Variants in ANKRD44 observed in about 807,000 individuals in gnomAD.
The protein encoded by ANKRD44 is ankyrin repeat domain 44.
A neutral mutation model predicts 116.0 loss-of-function variants in ANKRD44; 35 were observed. The ratio of observed to expected loss-of-function variants is 0.30; its 90% CI spans 0.23 to 0.40. The LOEUF is 0.40. ANKRD44 is among the 10% of genes least tolerant of loss of function. The probability of loss-of-function intolerance (pLI) is 1.00; values close to 1 mark genes in which losing one functional copy is unlikely to be tolerated. For missense variants in ANKRD44, 1,014 were observed against 1,242.6 expected, an observed-to-expected ratio of 0.82 and a Z score of 2.77; for synonymous variants, 435 against 461.8, an observed-to-expected ratio of 0.94 and a Z score of 0.74.
Position 197,007,868 on chromosome 2 carries a change from G to A in ANKRD44, c.2068C>T (p.Leu690Phe). ...YGHIDAVSLLLEKEANVDTVD... is the reference protein window; with the variant it reads ...YGHIDAVSLLFEKEANVDTVD... ...GTGTCTACGTTGGCTTCCTTTTCAA[G>A]TAACAATGAAACAGCGTCAATATGT... The change falls in exon 20 of 28, where the codon CTT becomes TTT. Residue 690 changes from leucine to phenylalanine, a missense_variant. Physicochemically the swap from Leu to Phe is conservative, Grantham distance 22 (BLOSUM62 0). Coordinates refer to ENST00000282272, the MANE Select transcript of ANKRD44 (RefSeq NM_001195144.2). The A allele has an allele frequency of 1.2e-6, 2 of 1,614,030 alleles. No individual in the cohort carries two copies. Among genetic ancestry groups the A allele is most frequent in the Admixed American group, 1.7e-5 (1 of 60,008 alleles).
At chr2:197,029,800 TG>T in intron 16 of ANKRD44, 1 of 294,386 alleles carries the variant, frequency 3.4e-6, no homozygotes, top group South Asian at 3.1e-5. Context: ...AACAGCCTCC[TG>T]GGTCTTCTTG....
chr2:197,084,106 T>C (rs1372206013), intron 13 of ANKRD44, among the ~76,000 whole-genome samples: 1 of 152,202 alleles, frequency 6.6e-6, no homozygotes, highest in Non-Finnish European at 1.5e-5. Flanking sequence ...AAACCTTTGG[T>C]TCTCTCTACT....
chr2:197,163,702 A>C (rs1241239975), intron 2 of ANKRD44, among the ~76,000 whole-genome samples: 1 of 152,102 alleles, frequency 6.6e-6, no homozygotes, highest in African/African-American at 2.4e-5. Context: ...GCAGTGGCTC[A>C]CTGCAACCTC....
At chr2:197,120,249 CCAAA>C (rs2078821324) in intron 8 of ANKRD44, among the ~76,000 whole-genome samples, 1 of 152,146 alleles carries the variant, frequency 6.6e-6, no homozygotes, top group African/African-American at 2.4e-5. Context: ...TCTTTCAGTA[CCAAA>C]CAGAGGGCAC....
intron 1 of ANKRD44, among the ~76,000 whole-genome samples, chr2:197,242,577 C>A (rs913338016): frequency 6.6e-6 from 1 of 152,142 alleles, no homozygotes; most frequent in Non-Finnish European, 1.5e-5. Flanking sequence ...GGCCACCTCT[C>A]TAGGTTCACC....
intron 1 of ANKRD44, among the ~76,000 whole-genome samples, chr2:197,297,140 T>C (rs2083747285): frequency 6.6e-6 from 1 of 152,222 alleles, no homozygotes; most frequent in Non-Finnish European, 1.5e-5. Context: ...TTGATCCTCC[T>C]AGATCTATCT....
At chr2:197,241,223 G>A (rs1403784428) in intron 1 of ANKRD44, among the ~76,000 whole-genome samples, 1 of 152,180 alleles carries the variant, frequency 6.6e-6, no homozygotes, top group African/African-American at 2.4e-5. Flanking sequence ...AATTAAATTT[G>A]TCAAAGTATG....
chr2:197,255,472 C>T (rs1281748805), intron 1 of ANKRD44, among the ~76,000 whole-genome samples: 1 of 152,240 alleles, frequency 6.6e-6, no homozygotes, highest in African/African-American at 2.4e-5. Flanking sequence ...AATTAACAAC[C>T]GTGCAAGCTC....
chr2:197,122,630 A>G lies in ANKRD44; in HGVS notation c.693+20T>C, dbSNP rs376023058. 60 of 1,610,004 alleles carry G rather than the reference A, an allele frequency of 3.7e-5. No homozygotes were observed. The African/African-American group carries it at 4.5e-4, about 12-fold the overall frequency. ...TTACAAATACACTGGCCATGCATTGATGCATTCATCATAGCTCACCTCCAC... is the reference window on the plus strand; with the variant it reads ...TTACAAATACACTGGCCATGCATTGGTGCATTCATCATAGCTCACCTCCAC... On this transcript the variant is annotated intron_variant, in intron 7 of 27. Transcript: ENST00000282272.
At chr2:197,055,337 G>GTTC (rs1182832803) in intron 16 of ANKRD44, among the ~76,000 whole-genome samples, 1 of 152,048 alleles carries the variant, frequency 6.6e-6, no homozygotes, top group Non-Finnish European at 1.5e-5. Context: ...TTCTGTAGGA[G>GTTC]TTCTTCATAT....
chr2:197,060,884 C>T (rs2125051923), intron 16 of ANKRD44, among the ~76,000 whole-genome samples: 2 of 152,200 alleles, frequency 1.3e-5, no homozygotes, highest in Middle Eastern at 3.4e-3. Flanking sequence ...GAATGACTTC[C>T]CAGTCTCTGT....
Position 197,268,466 on chromosome 2 carries a change from CA to C in ANKRD44, c.27+42111del, listed in dbSNP as rs574139750. Among the ~76,000 whole-genome samples the C allele has an allele frequency of 4.6e-5, 7 of 152,336 alleles. No individual in the cohort carries two copies. The South Asian group carries it at 1.5e-3, about 32-fold the overall frequency. ...AACCAAGCACAATGCTGGCATTCTT[CA>C]CATTCGTTATCTCATTTATTCCTCA... On this transcript the variant is annotated intron_variant, in intron 1 of 27. Transcript: ENST00000282272.
rs1207275571 is a variant in ANKRD44, at chr2:197,187,041, A to G, written c.93T>C (p.Thr31=). 1.2e-6 allele frequency: 2 copies of G among 1,614,078 alleles called. No individual in the cohort carries two copies. The highest frequency in any genetic ancestry group is 1.7e-6 in the Non-Finnish European group (2 of 1,180,000). The change falls in exon 2 of 28, where the codon ACT becomes ACC. Residue 31 remains threonine, a synonymous_variant. Coordinates refer to ENST00000282272, the MANE Select transcript of ANKRD44 (RefSeq NM_001195144.2). The part of the protein sequence containing the change: ...PEEIRMLIHK[T]EDVNTLDSEK... The stretch of plus-strand genomic sequence containing the variant: ...CTCTTACCAGAGTATTCACATCTTC[A>G]GTTTTATGGATGAGCATCCGGATCT...
rs1330699504 is a variant in ANKRD44 at position 197,201,646 on chromosome 2, G to T, written c.28-14540C>A. On this transcript the variant is annotated intron_variant, in intron 1 of 27. Coordinates refer to ENST00000282272, the MANE Select transcript of ANKRD44 (RefSeq NM_001195144.2). The surrounding 1 kb of genome is among the most constrained non-coding windows in gnomAD (Gnocchi z 4.0). The stretch of plus-strand genomic sequence containing the variant: ...ACTGCACACCTTATGTCAAAACTCA[G>T]AGCTGTTGTTTTTATATTTTGTTTT... Among the ~76,000 whole-genome samples the T allele has an allele frequency of 6.6e-6, 1 of 152,190 alleles. No individual in the cohort carries two copies. Among genetic ancestry groups the T allele is most frequent in the African/African-American group, 2.4e-5 (1 of 41,438 alleles).
intron 1 of ANKRD44, among the ~76,000 whole-genome samples, chr2:197,256,957 G>A (rs62279246): frequency 0.12 from 17,641 of 152,100 alleles, 1,098 homozygotes; most frequent in Non-Finnish European, 0.15. Flanking sequence ...CTGTATTCAT[G>A]CTTTGGGTGC....
At position 197,198,602 on chromosome 2, in the gene ANKRD44, G is replaced by C. The variant is rs188028041; in HGVS notation, c.28-11496C>G. 1.9e-3 allele frequency among the ~76,000 whole-genome samples: 291 copies of C among 151,996 alleles called. 1 individual carries two copies. The highest frequency in any genetic ancestry group is 6.9e-3 in the African/African-American group (285 of 41,444). On this transcript the variant is annotated intron_variant, in intron 1 of 27. Transcript: ENST00000282272. ...AGGCCAGGAGTTTGAGACCAGCCTG[G>C]CCAACATGGTGAAACCCCGTCTCTA...
rs1019194894 is a variant in ANKRD44 at position 196,989,057 on chromosome 2, T to C, written c.*534A>G. 1 of 985,292 alleles carries C rather than the reference T, an allele frequency of 1.0e-6. No homozygotes were observed. The allele number at this position is 985,292 out of a possible 1,614,324, so 61.0% of individuals were successfully genotyped here. ...CCAACGCGGAAGAACCTGAGGGTCA[T>C]CTGGAAACCTTAGCAGTGGAAATGC... On this transcript the variant is annotated 3_prime_UTR_variant, in exon 28 of 28. Coordinates refer to ENST00000282272, the MANE Select transcript of ANKRD44 (RefSeq NM_001195144.2).
intron 2 of ANKRD44, among the ~76,000 whole-genome samples, chr2:197,167,094 T>C (rs1481778715): frequency 6.6e-6 from 1 of 152,224 alleles, no homozygotes; most frequent in Non-Finnish European, 1.5e-5. Flanking sequence ...CAGTCACTCT[T>C]GCACTGTGCT....
chr2:197,086,621 T>C (rs947566724), intron 13 of ANKRD44, 59 bp downstream of exon 13: 41 of 1,525,564 alleles, frequency 2.7e-5, no homozygotes, highest in African/African-American at 1.1e-4. Context: ...GATTACTACA[T>C]AGACCACTCC....
Sources: allele counts gnomAD v4.1 joint callset (sites outside exome capture counted in the v4.1 genomes callset), GRCh38; gene constraint gnomAD v4.1.1; non-coding constraint Gnocchi (gnomAD v3.1); transcripts MANE v1.5; gene names NCBI Gene and HGNC (gene_info 2026-07-23, HGNC 2026-07-21).